The following NBAS variants were observed in gnomAD, a reference collection of about 807,000 sequenced individuals.
NBAS encodes NBAS subunit of NRZ tethering complex.
In NBAS, 219 loss-of-function variants were observed where a neutral mutation model predicts 302.5. That is an observed-to-expected ratio of 0.72 (90% CI 0.65 to 0.81). NBAS has a LOEUF of 0.81. NBAS is among the 30% of genes least tolerant of loss of function. The pLI, the probability that NBAS is intolerant of heterozygous loss-of-function variation, is 0.00. For synonymous variants in NBAS, 1,118 were observed against 1,021.6 expected, an observed-to-expected ratio of 1.09 and a Z score of -1.80; for missense variants, 2,932 against 2,841.6, an observed-to-expected ratio of 1.03 and a Z score of -0.72.
the NBAS span, among the ~76,000 whole-genome samples, chr2:15,092,884 T>C: frequency 6.6e-6 from 1 of 152,198 alleles, no homozygotes; most frequent in Non-Finnish European, 1.5e-5. Context: ...CCGCTGATCC[T>C]TCTGGTGGTG....
chr2:15,476,830 CA>C (rs902875873), intron 13 of NBAS, among the ~76,000 whole-genome samples: 3 of 152,098 alleles, frequency 2.0e-5, no homozygotes, highest in Admixed American at 2.0e-4. Context: ...ACCTGTTATA[CA>C]AAACATATGA....
At chr2:15,284,567 G>A (rs922504326) in intron 42 of NBAS, among the ~76,000 whole-genome samples, 3 of 152,172 alleles carry the variant, frequency 2.0e-5, no homozygotes, top group African/African-American at 7.2e-5. Flanking sequence ...GTACAATTAT[G>A]AGAATAATAA....
At chr2:14,913,480 AGGT>A in the NBAS span, among the ~76,000 whole-genome samples, 61 of 152,214 alleles carry the variant, frequency 4.0e-4, no homozygotes, top group Non-Finnish European at 6.8e-4. Context: ...TAAAACATAT[AGGT>A]GGTGGAGTGG....
intron 47 of NBAS, among the ~76,000 whole-genome samples, chr2:15,221,219 A>T (rs1164273447): frequency 6.6e-6 from 1 of 152,192 alleles, no homozygotes; most frequent in Non-Finnish European, 1.5e-5. Flanking sequence ...GATGGACCTA[A>T]CTGAATCCTG....
chr2:15,314,044 G>C (rs1032590713), intron 38 of NBAS, among the ~76,000 whole-genome samples: 1 of 152,050 alleles, frequency 6.6e-6, no homozygotes, highest in Non-Finnish European at 1.5e-5. Flanking sequence ...GTAAACTCTA[G>C]ATAAAATATA....
the NBAS span, among the ~76,000 whole-genome samples, chr2:14,867,668 T>C: frequency 6.6e-6 from 1 of 152,194 alleles, no homozygotes; most frequent in Non-Finnish European, 1.5e-5. Context: ...CACATGATTG[T>C]TGTAAAAATG....
chr2:15,270,629 T>C (rs1669275725), intron 44 of NBAS, among the ~76,000 whole-genome samples: 2 of 152,224 alleles, frequency 1.3e-5, no homozygotes. Context: ...ATAAAGTACC[T>C]ACTTTATACT....
intron 44 of NBAS, among the ~76,000 whole-genome samples, chr2:15,271,462 T>C (rs1450348060): frequency 6.6e-6 from 1 of 151,348 alleles, no homozygotes; most frequent in African/African-American, 2.4e-5. Flanking sequence ...ACGGTGGGAG[T>C]TGGAAAGGCA....
At chr2:15,339,094 A>AGGGT (rs1672731580) in intron 35 of NBAS, among the ~76,000 whole-genome samples, 1 of 152,182 alleles carries the variant, frequency 6.6e-6, no homozygotes, top group Non-Finnish European at 1.5e-5. Flanking sequence ...ATGTCCTAGA[A>AGGGT]TTCTTAGATC....
intron 8 of NBAS, among the ~76,000 whole-genome samples, chr2:15,535,490 C>T (rs1663450891): frequency 6.7e-6 from 1 of 150,144 alleles, no homozygotes; most frequent in African/African-American, 2.5e-5. Context: ...CAACTGCACT[C>T]CAGCCTGGGC....
chr2:15,452,699 T>C (rs902343049), intron 21 of NBAS, among the ~76,000 whole-genome samples: 2 of 151,698 alleles, frequency 1.3e-5, no homozygotes, highest in Admixed American at 6.6e-5. Context: ...GCACAAAAAA[T>C]GTATTCGCTC....
the NBAS span, among the ~76,000 whole-genome samples, chr2:15,150,071 A>AG: frequency 6.6e-6 from 1 of 151,322 alleles, no homozygotes; most frequent in South Asian, 2.1e-4. Flanking sequence ...TGTCTCAAAA[A>AG]AAAAAAAAAA....
At chr2:15,094,597 A>C in the NBAS span, among the ~76,000 whole-genome samples, 2,665 of 152,298 alleles carry the variant, frequency 0.017, 71 homozygotes, top group African/African-American at 0.053. Context: ...AATGGAAGCT[A>C]AGCCAAGCCT....
the NBAS span, among the ~76,000 whole-genome samples, chr2:15,136,560 T>A: frequency 6.6e-6 from 1 of 152,180 alleles, no homozygotes; most frequent in South Asian, 2.1e-4. Context: ...TTGGTGTGAA[T>A]GTTTGTGTCC....
chr2:15,227,794 G>A (rs1400839352), intron 47 of NBAS, among the ~76,000 whole-genome samples: 2 of 152,066 alleles, frequency 1.3e-5, no homozygotes, highest in African/African-American at 2.4e-5. Context: ...GAAAAAGAAT[G>A]AAACTGGACT....
At chr2:14,847,047 C>A in the NBAS span, among the ~76,000 whole-genome samples, 1 of 152,022 alleles carries the variant, frequency 6.6e-6, no homozygotes, top group African/African-American at 2.4e-5. Flanking sequence ...AATGCAAGAT[C>A]CAATAATCTG....
chr2:14,843,798 T>G, the NBAS span, among the ~76,000 whole-genome samples: 3 of 152,162 alleles, frequency 2.0e-5, no homozygotes, highest in Non-Finnish European at 4.4e-5. Context: ...GGATTGAACT[T>G]GGTGCTGCCC....
At position 15,167,271 on chromosome 2, in the gene NBAS, T is replaced by C. The variant is rs759509448; in HGVS notation, c.6893A>G (p.Lys2298Arg). 1.2e-6 allele frequency: 2 copies of C among 1,614,250 alleles called. No individual in the cohort carries two copies. The highest frequency in any genetic ancestry group is 2.7e-5 in the African/African-American group (2 of 75,066). ...QELLSLLLDAKLLVKCVSTPF... is the reference protein window; with the variant it reads ...QELLSLLLDARLLVKCVSTPF... ...AGTGGAGACACACTTCACCAGCAGCTTGGCATCCAGGAGCAGGGAAAGAAG... is the reference window on the plus strand; with the variant it reads ...AGTGGAGACACACTTCACCAGCAGCCTGGCATCCAGGAGCAGGGAAAGAAG... The change falls in exon 52 of 52, where the codon AAG becomes AGG. Residue 2298 changes from lysine to arginine, a missense_variant. Physicochemically the swap from Lys to Arg is conservative, Grantham distance 26. Transcript: ENST00000281513.
intron 31 of NBAS, among the ~76,000 whole-genome samples, chr2:15,373,777 T>C (rs1027160588): frequency 1.3e-5 from 2 of 152,124 alleles, no homozygotes; most frequent in East Asian, 1.9e-4. Flanking sequence ...ACCAAGGAAC[T>C]TGTAAGAGAT....
Sources: gnomAD v4.1 joint callset for allele counts (sites outside exome capture counted in the v4.1 genomes callset) on GRCh38, gnomAD v4.1.1 for gene constraint, MANE v1.5 for transcripts, NCBI Gene and HGNC (gene_info 2026-07-23, HGNC 2026-07-21) for gene names.